Variants in GRM8 observed in about 807,000 individuals in gnomAD.
The protein encoded by GRM8 is metabotropic glutamate receptor 8.
A neutral mutation model predicts 87.2 loss-of-function variants in GRM8; 47 were observed. That is an observed-to-expected ratio of 0.54 (90% confidence interval 0.43 to 0.69). GRM8 has a LOEUF of 0.69. Among genes scored for constraint, GRM8 ranks in the 30% least tolerant of loss-of-function variants. The pLI is 0.00. For missense variants in GRM8, 1,019 were observed against 1,139.2 expected (o/e 0.89, Z 1.52); for synonymous variants, 396 against 404.5 (o/e 0.98, Z 0.25).
chr7:127,186,107 C>G (rs557542789), intron 2 of GRM8, among the ~76,000 whole-genome samples: 3 of 152,014 alleles, frequency 2.0e-5, no homozygotes, highest in Non-Finnish European at 2.9e-5. Context: ...ATGTGGAGAA[C>G]AGAGACACAG....
chr7:126,691,628 G>A (rs928410880), intron 7 of GRM8, among the ~76,000 whole-genome samples: 1 of 152,194 alleles, frequency 6.6e-6, no homozygotes, highest in Non-Finnish European at 1.5e-5. Flanking sequence ...CTGGCCAGAA[G>A]AACCAACACT....
intron 3 of GRM8, among the ~76,000 whole-genome samples, chr7:126,975,195 C>T (rs3808138): frequency 0.33 from 49,708 of 152,010 alleles, 8,135 homozygotes; most frequent in Non-Finnish European, 0.35. Context: ...CACTGAATAG[C>T]ACTTACCCAC....
chr7:127,021,669 A>C (rs1289356144), intron 3 of GRM8, among the ~76,000 whole-genome samples: 1 of 152,074 alleles, frequency 6.6e-6, no homozygotes, highest in Non-Finnish European at 1.5e-5. Context: ...CACATCTGTG[A>C]TGTCACTAGA....
At chr7:126,998,697 A>G (rs1813420005) in intron 3 of GRM8, among the ~76,000 whole-genome samples, 1 of 151,682 alleles carries the variant, frequency 6.6e-6, no homozygotes, top group Non-Finnish European at 1.5e-5. Flanking sequence ...CAAAGGAATT[A>G]ACTTAAAGAA....
At chr7:127,064,403 G>T (rs1268887234) in intron 3 of GRM8, among the ~76,000 whole-genome samples, 1 of 151,726 alleles carries the variant, frequency 6.6e-6, no homozygotes, top group East Asian at 1.9e-4. Context: ...ATTCTTCGTT[G>T]GTTTGAAATC....
At chr7:127,033,265 T>G (rs1817555420) in intron 3 of GRM8, among the ~76,000 whole-genome samples, 1 of 152,008 alleles carries the variant, frequency 6.6e-6, no homozygotes, top group Admixed American at 6.6e-5. Flanking sequence ...TGGCTTCATT[T>G]CTCCAGCCTA....
intron 2 of GRM8, among the ~76,000 whole-genome samples, chr7:127,107,779 C>T (rs1825953793): frequency 6.6e-6 from 1 of 152,158 alleles, no homozygotes; most frequent in African/African-American, 2.4e-5. Context: ...CCACCCTTGA[C>T]ATACTTGTAA....
chr7:126,911,465 A>G (rs1803285212), intron 3 of GRM8, among the ~76,000 whole-genome samples: 1 of 152,242 alleles, frequency 6.6e-6, no homozygotes. Flanking sequence ...CTATTAAAAT[A>G]TTAACGGGTG....
At chr7:126,902,865 G>A (rs986385070) in intron 5 of GRM8, among the ~76,000 whole-genome samples, 186 bp from the exon 6 acceptor site, 2 of 152,082 alleles carry the variant, frequency 1.3e-5, no homozygotes, top group Non-Finnish European at 2.9e-5. Context: ...GAGGATCAAT[G>A]GACAATCCCC....
At chr7:126,562,208 A>G (rs572158340) in intron 8 of GRM8, among the ~76,000 whole-genome samples, 18 of 152,190 alleles carry the variant, frequency 1.2e-4, no homozygotes, top group Non-Finnish European at 1.9e-4. Context: ...AGAGAGATAA[A>G]GTGTCTTGCT....
intron 6 of GRM8, among the ~76,000 whole-genome samples, chr7:126,896,807 T>C (rs1801589087): frequency 6.6e-6 from 1 of 151,890 alleles, no homozygotes; most frequent in East Asian, 1.9e-4. Flanking sequence ...CACTATTTTG[T>C]ATCTGAGTGT....
intron 7 of GRM8, among the ~76,000 whole-genome samples, chr7:126,625,676 A>T (rs1800603826): frequency 6.6e-6 from 1 of 152,190 alleles, no homozygotes. Context: ...AAGCTGATTC[A>T]ACTTTTAAAA....
chr7:127,124,172 C>T (rs1827235746), intron 2 of GRM8, among the ~76,000 whole-genome samples: 1 of 152,146 alleles, frequency 6.6e-6, no homozygotes, highest in African/African-American at 2.4e-5. Flanking sequence ...TATTTGTCTA[C>T]CTTTTACAAC....
chr7:126,513,620 C>T (rs1263469744), intron 9 of GRM8, among the ~76,000 whole-genome samples: 1 of 152,114 alleles, frequency 6.6e-6, no homozygotes, highest in Non-Finnish European at 1.5e-5. Flanking sequence ...CTGTTATCAT[C>T]ATGTTGACAC....
chr7:127,047,339 T>A (rs1819028610), intron 3 of GRM8, among the ~76,000 whole-genome samples: 1 of 152,156 alleles, frequency 6.6e-6, no homozygotes, highest in Admixed American at 6.5e-5. Flanking sequence ...TTGTTACAAC[T>A]TTCACTCTAA....
chr7:126,918,324 G>T (rs1466333181), intron 3 of GRM8, among the ~76,000 whole-genome samples: 2 of 152,074 alleles, frequency 1.3e-5, no homozygotes, highest in African/African-American at 4.8e-5. Context: ...ATTTCTAATG[G>T]ATACTACCAG....
chr7:126,827,278 T>C (rs1164377800), intron 6 of GRM8, among the ~76,000 whole-genome samples: 1 of 152,190 alleles, frequency 6.6e-6, no homozygotes, highest in African/African-American at 2.4e-5. Context: ...TTGATGGGGA[T>C]GGCATTGAAT....
chr7:126,444,380 C>T (rs1200196717), intron 10 of GRM8, among the ~76,000 whole-genome samples: 2 of 152,056 alleles, frequency 1.3e-5, no homozygotes, highest in Admixed American at 1.3e-4. Flanking sequence ...TGATTTGTTA[C>T]TAAAGCCCAT....
intron 7 of GRM8, among the ~76,000 whole-genome samples, chr7:126,639,643 T>C (rs1802182895): frequency 6.6e-6 from 1 of 152,152 alleles, no homozygotes; most frequent in Admixed American, 6.6e-5. Context: ...AGGAAGGGTA[T>C]TGTTTCAAAA....
Sources: allele counts gnomAD v4.1 joint callset (sites outside exome capture counted in the v4.1 genomes callset), GRCh38; gene constraint gnomAD v4.1.1; transcripts MANE v1.5; gene names NCBI Gene and HGNC (gene_info 2026-07-23, HGNC 2026-07-21).